The following USP48 variants were observed in gnomAD, a reference collection of about 807,000 sequenced individuals.
The protein encoded by USP48 is ubiquitin carboxyl-terminal hydrolase 48.
USP48 carries 43 observed loss-of-function variants against 150.7 expected under a neutral mutation model. The ratio of observed to expected loss-of-function variants is 0.29; its 90% confidence interval spans 0.22 to 0.37. The LOEUF (loss-of-function observed/expected upper bound fraction) is 0.37. USP48 is among the 10% of genes least tolerant of loss of function. The pLI, the probability that USP48 is intolerant of heterozygous loss-of-function variation, is 1.00. For missense variants in USP48, 813 were observed against 1,249.6 expected, an observed-to-expected ratio of 0.65 and a Z score of 5.27; for synonymous variants, 396 against 425.9, an observed-to-expected ratio of 0.93 and a Z score of 0.86.
chr1:21,681,590 T>C (rs1224823565), intron 25 of USP48, among the ~76,000 whole-genome samples: 2 of 152,176 alleles, frequency 1.3e-5, no homozygotes, highest in Non-Finnish European at 2.9e-5. Flanking sequence ...AAAAATCTAA[T>C]AAATTCTTCA....
chr1:21,709,200 T>C (rs537467282), intron 15 of USP48, among the ~76,000 whole-genome samples: 2 of 152,288 alleles, frequency 1.3e-5, no homozygotes, highest in Admixed American at 6.5e-5. Flanking sequence ...TAATTTATAA[T>C]ACCTCAGAAT....
intron 14 of USP48, among the ~76,000 whole-genome samples, chr1:21,716,128 A>G (rs1240763616): frequency 1.3e-5 from 2 of 152,186 alleles, no homozygotes; most frequent in Non-Finnish European, 2.9e-5. Flanking sequence ...TTGTTCCTAT[A>G]GATCTTAGTA....
intron 9 of USP48, chr1:21,732,580 A>G: frequency 4.8e-6 from 1 of 209,332 alleles, no homozygotes. Flanking sequence ...TCAATTATGT[A>G]GTAATATTCA....
At chr1:21,703,188 G>T (rs1390325596) in intron 21 of USP48, among the ~76,000 whole-genome samples, 1 of 152,122 alleles carries the variant, frequency 6.6e-6, no homozygotes, top group African/African-American at 2.4e-5. Context: ...CTTTATTCCT[G>T]ATCTTCCTCA....
chr1:21,766,803 T>C (rs540760205), intron 1 of USP48, among the ~76,000 whole-genome samples: 1 of 152,102 alleles, frequency 6.6e-6, no homozygotes, highest in Non-Finnish European at 1.5e-5. Context: ...CTGAGACTCA[T>C]GCCTGTAACC....
chr1:21,706,322 G>A, intron 17 of USP48, 135 bp from the exon 18 acceptor site: 2 of 1,490,222 alleles, frequency 1.3e-6, no homozygotes, highest in South Asian at 1.3e-5. Context: ...CCAAAAAATA[G>A]CAGGCTGGAG....
rs2097672993 is a variant in USP48, at chr1:21,706,501, T to A, written c.2177A>T (p.Asp726Val). Residue 726 changes from aspartate to valine, a missense_variant, in exon 17 of 27, where the codon GAT (aspartate) becomes GTT (valine). By Grantham distance (152) the Asp-to-Val change is radical. Transcript: ENST00000308271. ...QKTSLPNLFQ[D>V]KNRPCLSNWP... Reference sequence around the variant, plus strand: ...GTTACTGAGACACGGTCTGTTTTTATCCTGGAACAAATTTGGGAGAGAAGT... The same window carrying A: ...GTTACTGAGACACGGTCTGTTTTTAACCTGGAACAAATTTGGGAGAGAAGT... The A allele has an allele frequency of 6.8e-6, 11 of 1,614,218 alleles. No individual in the cohort carries two copies. In the South Asian group the frequency reaches 1.2e-4, roughly 18 times the overall value.
Position 21,728,376 on chromosome 1 carries a change from C to T in USP48, c.1450+194G>A, listed in dbSNP as rs923534055. On this transcript the variant is annotated intron_variant, in intron 11 of 26. Transcript: ENST00000308271. ...TAACAGCTTCCCATTTTTAGGAGTACAACGTAATGAAATAATATGGAATGC... is the reference window on the plus strand; with the variant it reads ...TAACAGCTTCCCATTTTTAGGAGTATAACGTAATGAAATAATATGGAATGC... The T allele has an allele frequency of 5.3e-6, 7 of 1,330,466 alleles. No homozygotes were observed. The African/African-American group carries it at 7.5e-5, about 14-fold the overall frequency. 82.4% of individuals were successfully genotyped at this position (1,330,466 alleles called of 1,614,324 possible). A position where few individuals can be genotyped will look rare whatever the true frequency, so the allele number is the denominator to read the frequency against.
At chr1:21,704,631 A>C in intron 19 of USP48, 1 of 380,896 alleles carries the variant, frequency 2.6e-6, no homozygotes. Flanking sequence ...CAAAAACATA[A>C]TTGAGTAAAA....
chr1:21,766,232 G>C (rs1470262495), intron 1 of USP48, among the ~76,000 whole-genome samples: 1 of 151,986 alleles, frequency 6.6e-6, no homozygotes, highest in Non-Finnish European at 1.5e-5. Context: ...AATTAGCTGG[G>C]TTTGGTGGCG....
chr1:21,705,101 T>G (rs1055386751), intron 19 of USP48, among the ~76,000 whole-genome samples: 1 of 152,214 alleles, frequency 6.6e-6, no homozygotes, highest in African/African-American at 2.4e-5. Flanking sequence ...GTTAAAGTAC[T>G]GAAATATGAA....
At chr1:21,708,797 A>C (rs971322436) in intron 15 of USP48, among the ~76,000 whole-genome samples, 9 of 146,290 alleles carry the variant, frequency 6.2e-5, no homozygotes, top group African/African-American at 1.0e-4. Flanking sequence ...AGGCAGGAGA[A>C]TCGCTTGAAC....
At chr1:21,699,355 C>T (rs1303294744) in intron 22 of USP48, among the ~76,000 whole-genome samples, 32 of 151,028 alleles carry the variant, frequency 2.1e-4, no homozygotes, top group Non-Finnish European at 4.1e-4. Context: ...CCCGCCACCA[C>T]GCCCGGCTAA....
At chr1:21,694,608 C>CACAAAAAAA (rs1491189889) in intron 23 of USP48, among the ~76,000 whole-genome samples, 1 of 28,982 alleles carries the variant, frequency 3.5e-5, no homozygotes, top group African/African-American at 1.1e-4. Flanking sequence ...AAAAAAAAAA[C>CACAAAAAAA]CCCCTCTATC....
intron 25 of USP48, chr1:21,681,219 C>G: frequency 6.1e-6 from 1 of 165,030 alleles, no homozygotes; most frequent in Non-Finnish European, 1.3e-5. Context: ...GCAGCTTCTT[C>G]TGGTATTTAG....
At chr1:21,705,385 T>C (rs966810084) in intron 19 of USP48, among the ~76,000 whole-genome samples, 6 of 152,146 alleles carry the variant, frequency 3.9e-5, no homozygotes, top group African/African-American at 1.4e-4. Flanking sequence ...AGCCTGGCCA[T>C]GGCAGAACAA....
chr1:21,747,730 G>A (rs333189), intron 7 of USP48, among the ~76,000 whole-genome samples: 11,618 of 151,604 alleles, frequency 0.077, 503 homozygotes, highest in Middle Eastern at 0.11. Flanking sequence ...CTGCCACCAC[G>A]CCCGGCTAAT....
rs903567589 is a variant in USP48, at chr1:21,678,753, C to T, written c.*664G>A. ...AAGCCTCTGAAGTCAAAACATGAGACATAATTCCTTGCTCATTGCAGGAGA... is the reference window on the plus strand; with the variant it reads ...AAGCCTCTGAAGTCAAAACATGAGATATAATTCCTTGCTCATTGCAGGAGA... On this transcript the variant is annotated 3_prime_UTR_variant, in exon 27 of 27. Transcript: ENST00000308271. 2 of 152,366 alleles carry T rather than the reference C, an allele frequency of 1.3e-5. No individual in the cohort carries two copies. Among genetic ancestry groups the T allele is most frequent in the Non-Finnish European group, 1.5e-5 (1 of 68,188 alleles). The allele number at this position is 152,366 out of a possible 1,614,324, so 9.4% of individuals were successfully genotyped here.
At chr1:21,730,056 G>A (rs1478809130) in intron 9 of USP48, among the ~76,000 whole-genome samples, 1 of 152,072 alleles carries the variant, frequency 6.6e-6, no homozygotes, top group Non-Finnish European at 1.5e-5. Flanking sequence ...AAGGTAAAAA[G>A]AAAATACATT....
Sources: gnomAD v4.1 joint callset for allele counts (sites outside exome capture counted in the v4.1 genomes callset) on GRCh38, gnomAD v4.1.1 for gene constraint, MANE v1.5 for transcripts, NCBI Gene and HGNC (gene_info 2026-07-23, HGNC 2026-07-21) for gene names.